The following NRG1 variants were observed in gnomAD, a reference collection of about 807,000 sequenced individuals.
NRG1 encodes neuregulin 1, also known as pro-neuregulin-1, membrane-bound isoform.
In NRG1, 18 loss-of-function variants were observed where a neutral mutation model predicts 63.8. The ratio of observed to expected loss-of-function variants is 0.28; its 90% CI spans 0.19 to 0.42. The LOEUF is 0.42. Ranked by LOEUF, NRG1 falls within the 10% of genes least tolerant of loss-of-function variation. The pLI is 1.00. For missense variants in NRG1, 762 were observed against 814.7 expected (o/e 0.94, Z 0.79); for synonymous variants, 302 against 301.3 (o/e 1.00, Z -0.02).
At chr8:32,103,620 A>G (rs1830858908) in intron 1 of NRG1, among the ~76,000 whole-genome samples, 1 of 152,058 alleles carries the variant, frequency 6.6e-6, no homozygotes, top group Non-Finnish European at 1.5e-5. Flanking sequence ...ACTGCTCTTC[A>G]TTGTGGTTGT....
At chr8:32,025,862 C>A (rs893102169) in intron 1 of NRG1, among the ~76,000 whole-genome samples, 1 of 147,382 alleles carries the variant, frequency 6.8e-6, no homozygotes, top group African/African-American at 2.5e-5. Flanking sequence ...AGGAGAATGG[C>A]GTGAACCCGG....
intron 1 of NRG1, among the ~76,000 whole-genome samples, chr8:32,110,801 A>G (rs892402889): frequency 5.3e-5 from 8 of 152,156 alleles, no homozygotes; most frequent in African/African-American, 1.7e-4. Flanking sequence ...TCACTACCCG[A>G]AAGTATAAAA....
At chr8:31,639,564 G>A (rs886614633) in intron 1 of NRG1, 2 of 1,440,066 alleles carry the variant, frequency 1.4e-6, no homozygotes, top group Non-Finnish European at 1.8e-6. Flanking sequence ...CCCAGCAGCC[G>A]CCGCAGCATC....
chr8:31,909,586 T>C (rs1832780405), intron 1 of NRG1, among the ~76,000 whole-genome samples: 1 of 152,214 alleles, frequency 6.6e-6, no homozygotes, highest in Non-Finnish European at 1.5e-5. Flanking sequence ...GGGAACTGGT[T>C]CTTTCTCAGG....
At chr8:31,888,731 C>T (rs565001578) in intron 1 of NRG1, among the ~76,000 whole-genome samples, 1 of 151,806 alleles carries the variant, frequency 6.6e-6, no homozygotes, top group Non-Finnish European at 1.5e-5. Flanking sequence ...ATATTTGAAT[C>T]AAAGTTATTA....
chr8:31,641,389 T>G (rs1013855360), intron 1 of NRG1, among the ~76,000 whole-genome samples: 2 of 152,084 alleles, frequency 1.3e-5, no homozygotes, highest in Non-Finnish European at 2.9e-5. Context: ...ATATTTTGGT[T>G]TGGAGGATGT....
At chr8:32,184,086 A>T in intron 1 of NRG1, among the ~76,000 whole-genome samples, 1 of 58,828 alleles carries the variant, frequency 1.7e-5, no homozygotes, top group African/African-American at 1.1e-4. Context: ...AGTACTATAT[A>T]TGTATGTGTG....
chr8:32,502,027 A>G (rs561357717), intron 1 of NRG1, among the ~76,000 whole-genome samples: 5 of 152,310 alleles, frequency 3.3e-5, no homozygotes, highest in Admixed American at 1.3e-4. Context: ...TTTTGCATCA[A>G]TACACTACTG....
chr8:31,854,191 C>G (rs1381254805), intron 1 of NRG1, among the ~76,000 whole-genome samples: 3 of 150,750 alleles, frequency 2.0e-5, no homozygotes, highest in African/African-American at 7.4e-5. Flanking sequence ...GGAATGGTAC[C>G]AGTTCCTCCT....
intron 1 of NRG1, among the ~76,000 whole-genome samples, chr8:31,656,020 T>G (rs550952239): frequency 2.5e-4 from 38 of 152,320 alleles, no homozygotes; most frequent in Non-Finnish European, 5.3e-4. Context: ...AGCATGTGCT[T>G]GTTTGGAGCT....
intron 1 of NRG1, among the ~76,000 whole-genome samples, chr8:31,807,039 A>G (rs981753036): frequency 1.3e-5 from 2 of 152,256 alleles, no homozygotes; most frequent in Admixed American, 6.5e-5. Flanking sequence ...TAAAAAGACA[A>G]TGCTTTGTCA....
intron 1 of NRG1, among the ~76,000 whole-genome samples, chr8:31,724,944 C>A (rs542314803): frequency 6.6e-6 from 1 of 152,262 alleles, no homozygotes; most frequent in African/African-American, 2.4e-5. Flanking sequence ...TCAACTCTGC[C>A]ATTGTAGTGT....
chr8:32,300,424 G>T (rs1855452762), intron 1 of NRG1, among the ~76,000 whole-genome samples: 1 of 152,104 alleles, frequency 6.6e-6, no homozygotes, highest in South Asian at 2.1e-4. Flanking sequence ...AGGGAAAATA[G>T]ATTAATTTCT....
intron 6 of NRG1, among the ~76,000 whole-genome samples, chr8:32,737,860 A>G: frequency 6.6e-6 from 1 of 151,772 alleles, no homozygotes; most frequent in East Asian, 2.0e-4. Context: ...TATTTTTGAT[A>G]GAGCCATTCA....
intron 1 of NRG1, among the ~76,000 whole-genome samples, chr8:32,017,701 C>T (rs1244442670): frequency 1.3e-5 from 2 of 152,172 alleles, no homozygotes; most frequent in African/African-American, 4.8e-5. Flanking sequence ...AAGGATATTA[C>T]AGAGTACAGA....
At chr8:32,159,488 T>C (rs921494746) in intron 1 of NRG1, among the ~76,000 whole-genome samples, 28 of 144,268 alleles carry the variant, frequency 1.9e-4, no homozygotes, top group Non-Finnish European at 3.9e-4. Flanking sequence ...GAGCCGAGAT[T>C]GCGCCACTGC....
chr8:32,513,786 C>T (rs1234924809), intron 1 of NRG1, among the ~76,000 whole-genome samples: 3 of 151,990 alleles, frequency 2.0e-5, no homozygotes, highest in African/African-American at 7.3e-5. Context: ...TTTGACAGTA[C>T]AAAATTTGAC....
intron 1 of NRG1, among the ~76,000 whole-genome samples, chr8:32,022,544 C>T (rs1816618534): frequency 6.6e-6 from 1 of 152,110 alleles, no homozygotes; most frequent in African/African-American, 2.4e-5. Context: ...AGACATGCAA[C>T]TTATTCTAAA....
intron 1 of NRG1, among the ~76,000 whole-genome samples, chr8:31,684,291 G>A: frequency 6.6e-6 from 1 of 152,144 alleles, no homozygotes; most frequent in East Asian, 1.9e-4. Flanking sequence ...TGATTAGGTA[G>A]TGAGGTCTCT....
Sources: allele counts gnomAD v4.1 joint callset (sites outside exome capture counted in the v4.1 genomes callset), GRCh38; gene constraint gnomAD v4.1.1; transcripts MANE v1.5; gene names NCBI Gene and HGNC (gene_info 2026-07-23, HGNC 2026-07-21).